Variants in TLL1 observed in about 807,000 individuals in gnomAD.
The protein encoded by TLL1 is tolloid-like protein 1.
In TLL1, 49 loss-of-function variants were observed where a neutral mutation model predicts 128.2. The ratio of observed to expected loss-of-function variants is 0.38; its 90% CI spans 0.30 to 0.48. TLL1 has a LOEUF of 0.48. TLL1 is among the 20% of genes least tolerant of loss of function. The pLI is 0.96. For synonymous variants in TLL1, 454 were observed against 418.8 expected (o/e 1.08, Z -1.03); for missense variants, 1,123 against 1,242.0 (o/e 0.90, Z 1.44).
At chr4:166,061,268 CAG>C (rs1204720229) in intron 15 of TLL1, among the ~76,000 whole-genome samples, 2 of 140,168 alleles carry the variant, frequency 1.4e-5, no homozygotes, top group South Asian at 2.3e-4. Context: ...TTTTTTGAGA[CAG>C]AGTCTCGCTC....
At chr4:166,094,567 A>T (rs1022155571) in intron 19 of TLL1, among the ~76,000 whole-genome samples, 7 of 152,138 alleles carry the variant, frequency 4.6e-5, no homozygotes, top group African/African-American at 1.7e-4. Context: ...CTGCCCTGTC[A>T]TTTCAGAAAT....
chr4:165,914,285 T>A (rs2110877376), intron 1 of TLL1, among the ~76,000 whole-genome samples: 1 of 152,338 alleles, frequency 6.6e-6, no homozygotes, highest in South Asian at 2.1e-4. Context: ...TATATTTATA[T>A]AGATATAAAG....
At chr4:165,978,595 G>A (rs10031504) in intron 1 of TLL1, among the ~76,000 whole-genome samples, 12,126 of 152,176 alleles carry the variant, frequency 0.08, 1,586 homozygotes, top group African/African-American at 0.27. Flanking sequence ...ACATTTCAAT[G>A]AGGATATATA....
intron 11 of TLL1, among the ~76,000 whole-genome samples, chr4:166,043,013 A>G (rs893858268): frequency 6.6e-6 from 1 of 152,212 alleles, no homozygotes; most frequent in Non-Finnish European, 1.5e-5. Context: ...AGGTTTTTAA[A>G]GGTTAAAAAA....
chr4:166,015,318 T>C (rs1737884241), intron 8 of TLL1, among the ~76,000 whole-genome samples: 1 of 152,134 alleles, frequency 6.6e-6, no homozygotes, highest in South Asian at 2.1e-4. Flanking sequence ...TACTTACTTG[T>C]AGAATTCACT....
intron 18 of TLL1, among the ~76,000 whole-genome samples, chr4:166,089,027 T>A (rs934412618): frequency 6.6e-6 from 1 of 152,138 alleles, no homozygotes. Context: ...TACCTCCAAC[T>A]TTCTTAAAAT....
intron 5 of TLL1, among the ~76,000 whole-genome samples, chr4:166,001,423 A>C (rs943424308): frequency 5.3e-5 from 8 of 152,124 alleles, no homozygotes; most frequent in African/African-American, 1.9e-4. Context: ...TGGGACTGTC[A>C]TACACTCACA....
At chr4:166,045,102 A>G (rs1017695919) in intron 12 of TLL1, among the ~76,000 whole-genome samples, 1 of 152,204 alleles carries the variant, frequency 6.6e-6, no homozygotes, top group African/African-American at 2.4e-5. Flanking sequence ...AGTGATGACT[A>G]CAGTTTATGA....
At chr4:166,098,511 C>T (rs756025795) in intron 19 of TLL1, among the ~76,000 whole-genome samples, 1 of 151,886 alleles carries the variant, frequency 6.6e-6, no homozygotes, top group Non-Finnish European at 1.5e-5. Context: ...ACTGGTATAG[C>T]CTATGCTTAT....
intron 1 of TLL1, among the ~76,000 whole-genome samples, chr4:165,927,646 C>A (rs79389190): frequency 0.031 from 4,710 of 152,108 alleles, 239 homozygotes; most frequent in African/African-American, 0.11. Flanking sequence ...TCATCTAGGG[C>A]GGTTATTCCC....
chr4:166,092,373 A>T (rs1741814912), intron 19 of TLL1, among the ~76,000 whole-genome samples: 1 of 152,074 alleles, frequency 6.6e-6, no homozygotes, highest in Non-Finnish European at 1.5e-5. Context: ...TACTAATCTG[A>T]TTAATAATAG....
chr4:165,967,241 ATGCCCAGATT>A (rs1399702018), intron 1 of TLL1, among the ~76,000 whole-genome samples: 3 of 152,150 alleles, frequency 2.0e-5, no homozygotes, highest in Admixed American at 6.5e-5. Context: ...GTTCCTTTGG[ATGCCCAGATT>A]TCATATTGTT....
In TLL1 at chr4:166,004,484, A is replaced by G. The variant is rs550036531; in HGVS notation, c.811+915A>G. Among the ~76,000 whole-genome samples, 8 of 152,234 alleles carry G rather than the reference A, an allele frequency of 5.3e-5. No individual in the cohort carries two copies. The South Asian group carries it at 6.2e-4, about 12-fold the overall frequency. Reference sequence around the variant, plus strand: ...AAAGTTTAGTGTGGGATATGTGCATATATATAAATGATTGCAAGTGAGTGA... The same window carrying G: ...AAAGTTTAGTGTGGGATATGTGCATGTATATAAATGATTGCAAGTGAGTGA... On this transcript the variant is annotated intron_variant, in intron 6 of 20. Transcript: ENST00000061240.
At chr4:166,057,835 C>G (rs949586615) in intron 14 of TLL1, among the ~76,000 whole-genome samples, 4 of 152,076 alleles carry the variant, frequency 2.6e-5, no homozygotes, top group African/African-American at 9.7e-5. Context: ...AAGACTCCCC[C>G]CAACCATGAT....
Position 166,101,167 on chromosome 4 carries a change from C to T in TLL1, c.*291C>T, listed in dbSNP as rs1742268692. 1 of 371,444 alleles carries T rather than the reference C, an allele frequency of 2.7e-6. No homozygotes were observed. Among genetic ancestry groups the T allele is most frequent in the East Asian group, 6.2e-5 (1 of 16,116 alleles). The allele number at this position is 371,444 out of a possible 1,614,324, so 23.0% of individuals were successfully genotyped here. ...TTTGTTCACAGCTTGAAATAGATGC[C>T]TCACAATTCAGACAGTTTAATTCAG... On this transcript the variant is annotated 3_prime_UTR_variant, in exon 21 of 21. Coordinates refer to ENST00000061240, the MANE Select transcript of TLL1 (RefSeq NM_012464.5).
chr4:165,878,757 A>G (rs1467859358), intron 1 of TLL1, among the ~76,000 whole-genome samples: 1 of 152,010 alleles, frequency 6.6e-6, no homozygotes, highest in Non-Finnish European at 1.5e-5. Context: ...GTAATAATGC[A>G]TAGAATTCTT....
chr4:166,063,384 C>G (rs899024187), intron 15 of TLL1, among the ~76,000 whole-genome samples: 7 of 152,214 alleles, frequency 4.6e-5, no homozygotes, highest in African/African-American at 1.2e-4. Flanking sequence ...CACTTTTACA[C>G]TGTTGGTGGG....
chr4:165,997,484 T>G (rs1398914138), intron 5 of TLL1, among the ~76,000 whole-genome samples: 1 of 152,194 alleles, frequency 6.6e-6, no homozygotes, highest in Non-Finnish European at 1.5e-5. Flanking sequence ...TTACCATCAC[T>G]TTCATTTAGC....
intron 1 of TLL1, among the ~76,000 whole-genome samples, chr4:165,879,926 T>C (rs1730904187): frequency 6.6e-6 from 1 of 152,108 alleles, no homozygotes; most frequent in Non-Finnish European, 1.5e-5. Flanking sequence ...GGATCTGGAA[T>C]TAATTGTGGA....
Sources: gnomAD v4.1 joint callset for allele counts (sites outside exome capture counted in the v4.1 genomes callset) on GRCh38, gnomAD v4.1.1 for gene constraint, MANE v1.5 for transcripts, NCBI Gene and HGNC (gene_info 2026-07-23, HGNC 2026-07-21) for gene names.